Variants in SNAP47 observed in about 807,000 individuals in gnomAD.
SNAP47 encodes the protein synaptosomal-associated protein 47.
A neutral mutation model predicts 31.4 loss-of-function variants in SNAP47; 20 were observed. The ratio of observed to expected loss-of-function variants is 0.64; its 90% confidence interval spans 0.45 to 0.93. The LOEUF is 0.93. SNAP47 is among the 40% of genes least tolerant of loss of function. SNAP47 has a pLI of 0.00. For synonymous variants in SNAP47, 194 were observed against 213.4 expected (o/e 0.91, Z 0.79); for missense variants, 492 against 528.5 (o/e 0.93, Z 0.68).
At chr1:227,780,456 G>T in intron 4 of SNAP47, 71 bp from the exon 5 acceptor site, 1 of 1,593,892 alleles carries the variant, frequency 6.3e-7, no homozygotes, top group Non-Finnish European at 8.5e-7. Context: ...GTGTGTGAGA[G>T]GGGGAGATGT....
rs150157594 is a variant in SNAP47 at position 227,740,739 on chromosome 1, A to T, written c.-46+5240A>T. Among the ~76,000 whole-genome samples the T allele has an allele frequency of 4.0e-3, 614 of 152,268 alleles. 2 individuals carry two copies. Among genetic ancestry groups the T allele is most frequent in the African/African-American group, 0.014 (585 of 41,538 alleles). On this transcript the variant is annotated intron_variant, in intron 1 of 4. Transcript: ENST00000617596. ...GGGACACAGCTGCCAGGACATGCTC[A>T]TGGCATGTTTCTTGAGGGGGAGGAA...
In SNAP47 at chr1:227,780,410, A is replaced by G; in HGVS notation, c.1114-117A>G. On this transcript the variant is annotated intron_variant, in intron 4 of 4. Coordinates refer to ENST00000617596, the MANE Select transcript of SNAP47 (RefSeq NM_053052.4). ...CCGGCTCCCTCCTGCTGGCTCGCAGATGGCATCACCCAGGTGGTAACGCAA... is the reference window on the plus strand; with the variant it reads ...CCGGCTCCCTCCTGCTGGCTCGCAGGTGGCATCACCCAGGTGGTAACGCAA... 2.1e-6 allele frequency: 3 copies of G among 1,432,674 alleles called. No homozygotes were observed. The East Asian group carries it at 7.1e-5, about 34-fold the overall frequency. 88.7% of individuals were successfully genotyped at this position (1,432,674 alleles called of 1,614,324 possible).
chr1:227,752,296 G>C (rs1572012090), intron 2 of SNAP47, among the ~76,000 whole-genome samples: 1 of 152,036 alleles, frequency 6.6e-6, no homozygotes, highest in East Asian at 1.9e-4. Flanking sequence ...TGTGTTCTTG[G>C]CAGATTTCAA....
intron 3 of SNAP47, among the ~76,000 whole-genome samples, chr1:227,766,522 C>T (rs1017793488): frequency 1.3e-4 from 20 of 152,136 alleles, no homozygotes; most frequent in African/African-American, 9.7e-5. Context: ...GTGGCGCAGA[C>T]GTGTGGCAGT....
At chr1:227,734,784 C>A (rs200460718), upstream of SNAP47, 1,056 of 1,613,950 alleles carry the variant, frequency 6.5e-4, 1 homozygote, top group Non-Finnish European at 8.5e-4. Context: ...TATTCCTGGA[C>A]CCCACAGTTT....
chr1:227,735,472 G>C lies in SNAP47; in HGVS notation c.-73G>C. The C allele has an allele frequency of 1.4e-6, 2 of 1,431,000 alleles. No homozygotes were observed. The highest frequency in any genetic ancestry group is 1.8e-6 in the Non-Finnish European group (2 of 1,102,938). The allele number at this position is 1,431,000 out of a possible 1,614,324, so 88.6% of individuals were successfully genotyped here. ...CCGAGCGGCCGAGGCGCCGCGGTCGGCTCTGGGACTCGTCTGGCGTCCCTC... is the reference window on the plus strand; with the variant it reads ...CCGAGCGGCCGAGGCGCCGCGGTCGCCTCTGGGACTCGTCTGGCGTCCCTC... On this transcript the variant is annotated 5_prime_UTR_variant, in exon 1 of 5. Transcript: ENST00000617596.
intron 2 of SNAP47, among the ~76,000 whole-genome samples, chr1:227,757,486 C>T (rs995631599): frequency 1.3e-5 from 2 of 152,230 alleles, no homozygotes; most frequent in African/African-American, 4.8e-5. Context: ...AGTCAGCAAA[C>T]TGTGCACCTT....
intron 4 of SNAP47, among the ~76,000 whole-genome samples, chr1:227,778,676 G>A (rs1165216568): frequency 6.6e-6 from 1 of 152,238 alleles, no homozygotes; most frequent in African/African-American, 2.4e-5. Context: ...AGCAAGGGGT[G>A]GGCTGAGGCT....
At chr1:227,740,401 G>A (rs1661514187) in intron 1 of SNAP47, among the ~76,000 whole-genome samples, 1 of 152,212 alleles carries the variant, frequency 6.6e-6, no homozygotes, top group Admixed American at 6.5e-5. Context: ...CTGCTGGAGG[G>A]GGAATGGGTG....
upstream of SNAP47, chr1:227,730,609 T>C (rs1231809088): frequency 5.3e-5 from 8 of 152,220 alleles, no homozygotes; most frequent in South Asian, 2.1e-4. Flanking sequence ...AGATTCTCAA[T>C]GCCTGCTTTA....
intron 4 of SNAP47, among the ~76,000 whole-genome samples, chr1:227,771,245 G>A (rs1663784039): frequency 6.6e-6 from 1 of 152,232 alleles, no homozygotes; most frequent in Non-Finnish European, 1.5e-5. Context: ...GTGAGGTTTT[G>A]TGATGCTGTT....
intron 3 of SNAP47, among the ~76,000 whole-genome samples, 185 bp from the exon 4 acceptor site, chr1:227,766,774 T>C (rs1663430141): frequency 6.6e-6 from 1 of 152,220 alleles, no homozygotes. Context: ...GTTTGCAGTG[T>C]TGCAGACCCT....
At chr1:227,733,753 T>C (rs1660841987), upstream of SNAP47, 4 of 1,591,796 alleles carry the variant, frequency 2.5e-6, no homozygotes, top group Non-Finnish European at 3.4e-6. Context: ...CCCAGAGGCC[T>C]GGTCCAACTG....
chr1:227,751,291 C>T (rs1461248854), intron 2 of SNAP47, among the ~76,000 whole-genome samples: 2 of 152,336 alleles, frequency 1.3e-5, no homozygotes, highest in Non-Finnish European at 2.9e-5. Flanking sequence ...TAGCCTGCCA[C>T]CCTGCGCCAG....
At chr1:227,771,334 G>C (rs1260792288) in intron 4 of SNAP47, among the ~76,000 whole-genome samples, 1 of 152,128 alleles carries the variant, frequency 6.6e-6, no homozygotes, top group Middle Eastern at 3.2e-3. Context: ...CCTTTACTAT[G>C]AGTTCCTATT....
chr1:227,772,183 A>T (rs940737694), intron 4 of SNAP47, among the ~76,000 whole-genome samples: 12 of 152,214 alleles, frequency 7.9e-5, no homozygotes, highest in African/African-American at 2.9e-4. Context: ...GGAGTTTCTC[A>T]TTATTCACTT....
intron 4 of SNAP47, among the ~76,000 whole-genome samples, chr1:227,769,361 G>A (rs570623400): frequency 2.6e-5 from 4 of 152,200 alleles, no homozygotes; most frequent in East Asian, 3.9e-4. Context: ...GGTCAGATGC[G>A]GGCCCCCTTC....
chr1:227,729,961 C>T (rs924808003), intron 1 of SNAP47, among the ~76,000 whole-genome samples: 4 of 152,234 alleles, frequency 2.6e-5, no homozygotes, highest in African/African-American at 4.8e-5. Flanking sequence ...GGCCACTGCA[C>T]GCCCTCACCC....
rs188652040 is a variant in SNAP47 at position 227,735,481 on chromosome 1, C to T, written c.-64C>T. 6.9e-5 allele frequency: 99 copies of T among 1,426,138 alleles called. No homozygotes were observed. In the East Asian group the frequency reaches 2.5e-3, roughly 36 times the overall value. 88.3% of individuals were successfully genotyped at this position (1,426,138 alleles called of 1,614,324 possible). ...CGAGGCGCCGCGGTCGGCTCTGGGA[C>T]TCGTCTGGCGTCCCTCAGGTGAGCG... On this transcript the variant is annotated 5_prime_UTR_variant, in exon 1 of 5. Transcript: ENST00000617596.
Sources: gnomAD v4.1 joint callset for allele counts (sites outside exome capture counted in the v4.1 genomes callset) on GRCh38, gnomAD v4.1.1 for gene constraint, MANE v1.5 for transcripts, NCBI Gene and HGNC (gene_info 2026-07-23, HGNC 2026-07-21) for gene names.